Variants in SH3KBP1 observed in about 807,000 individuals in gnomAD.
SH3KBP1 encodes the protein SH3 domain containing kinase binding protein 1, also known as SH3 domain-containing kinase-binding protein 1.
SH3KBP1 carries 8 observed loss-of-function variants against 50.1 expected under a neutral mutation model. The observed-to-expected ratio is 0.16, with a 90% CI of 0.09 to 0.29. SH3KBP1 has a LOEUF of 0.29. Ranked by LOEUF, SH3KBP1 falls within the 10% of genes least tolerant of loss-of-function variation. The pLI is 1.00. For missense variants in SH3KBP1, 377 were observed against 535.2 expected, an observed-to-expected ratio of 0.70 and a Z score of 2.92; for synonymous variants, 227 against 218.6, an observed-to-expected ratio of 1.04 and a Z score of -0.34.
intron 5 of SH3KBP1, among the ~76,000 whole-genome samples, chrX:19,689,272 T>C (rs986069225): frequency 8.0e-5 from 9 of 112,309 alleles, no homozygotes; most frequent in South Asian, 3.7e-4. Context: ...TTCGGGCAAT[T>C]CTGCTTAACT....
intron 4 of SH3KBP1, among the ~76,000 whole-genome samples, chrX:19,696,689 T>C (rs1179429305): frequency 8.1e-5 from 9 of 111,464 alleles, no homozygotes; most frequent in Admixed American, 7.6e-4. Flanking sequence ...ATAGAGCCAC[T>C]AGTAGTACAG....
At chrX:19,735,742 G>GGGGC (rs2064545466) in intron 3 of SH3KBP1, among the ~76,000 whole-genome samples, 1 of 76,751 alleles carries the variant, frequency 1.3e-5, no homozygotes, top group African/African-American at 4.7e-5. Flanking sequence ...GGGGGTGGGG[G>GGGGC]GGACGGATTC....
Position 19,568,995 on chromosome X carries a change from G to C in SH3KBP1, c.1384+108C>G, listed in dbSNP as rs964616465. ...AAAGCCAAGCAAGGGTGCCAGCCTG[G>C]CATTTCAATGGCTTTATTACTTCTC... is the stretch of plus-strand genomic sequence containing the variant. On this transcript the variant is annotated intron_variant, in intron 13 of 17. Coordinates refer to ENST00000397821, the MANE Select transcript of SH3KBP1 (RefSeq NM_031892.3). 5 of 658,673 alleles carry C rather than the reference G, an allele frequency of 7.6e-6. No homozygotes were observed. The African/African-American group carries it at 1.1e-4, about 14-fold the overall frequency. 54.3% of individuals were successfully genotyped at this position (658,673 alleles called of 1,213,427 possible). A position where few individuals can be genotyped will look rare whatever the true frequency, so the allele number is the denominator to read the frequency against.
intron 8 of SH3KBP1, among the ~76,000 whole-genome samples, chrX:19,611,404 A>C (rs1456323814): frequency 9.0e-6 from 1 of 111,671 alleles, no homozygotes; most frequent in Non-Finnish European, 1.9e-5. Context: ...CCCAGGCTGG[A>C]GTGCAGTGGC....
chrX:19,793,301 C>T (rs1211302719), intron 2 of SH3KBP1, among the ~76,000 whole-genome samples: 1 of 89,147 alleles, frequency 1.1e-5, no homozygotes, highest in Non-Finnish European at 2.0e-5. Context: ...GACATTGTCT[C>T]AAGGAAAAAA....
chrX:19,802,747 T>A (rs1428939708), intron 2 of SH3KBP1, among the ~76,000 whole-genome samples: 1 of 111,312 alleles, frequency 9.0e-6, no homozygotes, highest in Non-Finnish European at 1.9e-5. Flanking sequence ...CCCCTCCCTT[T>A]GTGCTCCCTT....
chrX:19,832,792 C>T (rs907671609), intron 2 of SH3KBP1, among the ~76,000 whole-genome samples: 4 of 111,909 alleles, frequency 3.6e-5, no homozygotes, highest in African/African-American at 9.7e-5. Context: ...TGGGGCAATG[C>T]GGAGACCTTC....
At chrX:19,659,520 G>A (rs1602881017) in intron 6 of SH3KBP1, among the ~76,000 whole-genome samples, 1 of 111,014 alleles carries the variant, frequency 9.0e-6, no homozygotes, top group South Asian at 3.8e-4. Flanking sequence ...TTCCCACCTC[G>A]GCCTCCCAAA....
intron 2 of SH3KBP1, chrX:19,799,821 A>G: frequency 9.2e-7 from 1 of 1,082,133 alleles, no homozygotes; most frequent in Non-Finnish European, 1.2e-6. Flanking sequence ...CCCGTACCCA[A>G]CCCGCCTGCC....
chrX:19,774,402 T>C (rs2065895070), intron 2 of SH3KBP1, among the ~76,000 whole-genome samples: 1 of 111,002 alleles, frequency 9.0e-6, no homozygotes, highest in African/African-American at 3.3e-5. Context: ...CCGGGCGCGG[T>C]GGCTCACACC....
Position 19,577,749 on chromosome X carries a change from T to A in SH3KBP1, c.1299-8561A>T, listed in dbSNP as rs1602534058. Among the ~76,000 whole-genome samples the A allele has an allele frequency of 2.8e-5, 3 of 107,926 alleles. No homozygotes were observed. The Admixed American group carries it at 2.9e-4, about 11-fold the overall frequency. The allele number at this position is 107,926 out of a possible 115,157, so 93.7% of individuals were successfully genotyped here. On this transcript the variant is annotated intron_variant, in intron 12 of 17. Coordinates refer to ENST00000397821, the MANE Select transcript of SH3KBP1 (RefSeq NM_031892.3). ...CTAACAGCAGCCACAAAAAAAAAAA[T>A]ACCAAAAAGAACCCACAAACCTTTT...
At chrX:19,684,795 G>A (rs1008284162) in intron 5 of SH3KBP1, among the ~76,000 whole-genome samples, 2 of 111,902 alleles carry the variant, frequency 1.8e-5, no homozygotes, top group African/African-American at 6.5e-5. Flanking sequence ...AGAACACTGG[G>A]GACATGACAC....
intron 6 of SH3KBP1, among the ~76,000 whole-genome samples, chrX:19,652,878 C>A (rs1025118421): frequency 4.5e-5 from 5 of 112,240 alleles, no homozygotes; most frequent in African/African-American, 6.5e-5. Context: ...ATATCCAACC[C>A]ATCACCAAGG....
intron 6 of SH3KBP1, among the ~76,000 whole-genome samples, chrX:19,654,307 C>G (rs1459261098): frequency 9.0e-6 from 1 of 111,557 alleles, no homozygotes; most frequent in Non-Finnish European, 1.9e-5. Context: ...ACTGTCTCTT[C>G]GTTGAAGCAA....
intron 1 of SH3KBP1, among the ~76,000 whole-genome samples, chrX:19,870,515 T>C (rs1339512659): frequency 9.0e-6 from 1 of 111,647 alleles, no homozygotes; most frequent in Non-Finnish European, 1.9e-5. Flanking sequence ...GCTAATTTTC[T>C]GTATTTTTTA....
chrX:19,732,172 T>C (rs1457158512), intron 3 of SH3KBP1, among the ~76,000 whole-genome samples: 10 of 111,819 alleles, frequency 8.9e-5, no homozygotes, highest in African/African-American at 3.3e-4. Context: ...ATGATCCATG[T>C]ATACATTGTA....
intron 1 of SH3KBP1, among the ~76,000 whole-genome samples, chrX:19,846,787 A>G (rs1405945913): frequency 1.8e-5 from 2 of 112,157 alleles, no homozygotes; most frequent in Non-Finnish European, 3.8e-5. Flanking sequence ...TGGATAAGGT[A>G]TCTGAAGGAT....
At chrX:19,886,787 C>G (rs2069596562) in intron 1 of SH3KBP1, among the ~76,000 whole-genome samples, 1 of 109,096 alleles carries the variant, frequency 9.2e-6, no homozygotes, top group African/African-American at 3.4e-5. Flanking sequence ...AGACCAGGAA[C>G]TGGGGCGTTT....
intron 6 of SH3KBP1, among the ~76,000 whole-genome samples, chrX:19,664,093 A>G (rs1262236742): frequency 1.8e-5 from 2 of 111,270 alleles, no homozygotes; most frequent in Non-Finnish European, 3.8e-5. Flanking sequence ...CCCTCTCTCA[A>G]TCAATCAATC....
Sources: gnomAD v4.1 joint callset for allele counts (sites outside exome capture counted in the v4.1 genomes callset) on GRCh38, gnomAD v4.1.1 for gene constraint, MANE v1.5 for transcripts, NCBI Gene and HGNC (gene_info 2026-07-23, HGNC 2026-07-21) for gene names.